KCTD16: variants seen among roughly 807,000 people sequenced by gnomAD.
KCTD16 encodes potassium channel tetramerization domain containing 16.
KCTD16 carries 13 observed loss-of-function variants against 33.2 expected under a neutral mutation model. The ratio of observed to expected loss-of-function variants is 0.39; its 90% CI spans 0.25 to 0.62. The LOEUF (loss-of-function observed/expected upper bound fraction) is 0.62. KCTD16 is among the 20% of genes least tolerant of loss of function. The probability of loss-of-function intolerance (pLI) is 0.50; values close to 1 mark genes in which losing one functional copy is unlikely to be tolerated. For missense variants in KCTD16, 441 were observed against 525.1 expected, an observed-to-expected ratio of 0.84 and a Z score of 1.57; for synonymous variants, 197 against 195.3, an observed-to-expected ratio of 1.01 and a Z score of -0.07.
Position 144,405,541 on chromosome 5 carries a change from T to G in KCTD16, c.833-68119T>G, listed in dbSNP as rs868322888. Among the ~76,000 whole-genome samples the G allele has an allele frequency of 2.5e-4, 38 of 152,298 alleles. 1 individual carries two copies. The highest frequency in any genetic ancestry group is 6.8e-3 in the Middle Eastern group (2 of 294). On this transcript the variant is annotated intron_variant, in intron 3 of 3. Coordinates refer to ENST00000512467, the MANE Select transcript of KCTD16 (RefSeq NM_020768.4). ...ATAAACCTTTATTGTGCTTGAAGAC[T>G]CTTCTTTAGACCCCTGTCTTAGTTT... is the stretch of plus-strand genomic sequence containing the variant.
intron 3 of KCTD16, among the ~76,000 whole-genome samples, chr5:144,224,391 T>TTG (rs1350445670): frequency 6.7e-6 from 1 of 148,598 alleles, no homozygotes; most frequent in Non-Finnish European, 1.5e-5. Flanking sequence ...GTGTTTTTTT[T>TTG]TTTTTTTTTT....
At chr5:144,390,257 C>A (rs373261372) in intron 3 of KCTD16, among the ~76,000 whole-genome samples, 1 of 152,148 alleles carries the variant, frequency 6.6e-6, no homozygotes, top group Admixed American at 6.6e-5. Flanking sequence ...TTCTACCTAA[C>A]GTGATTTTAA....
At chr5:144,182,472 CA>C (rs1367792967) in intron 2 of KCTD16, among the ~76,000 whole-genome samples, 2 of 152,024 alleles carry the variant, frequency 1.3e-5, no homozygotes, top group Non-Finnish European at 2.9e-5. Context: ...TACCATAGGC[CA>C]GGGGAAGAAG....
At chr5:144,179,530 G>T (rs1238833808) in intron 2 of KCTD16, among the ~76,000 whole-genome samples, 1 of 152,206 alleles carries the variant, frequency 6.6e-6, no homozygotes, top group Admixed American at 6.5e-5. Flanking sequence ...CATCTGTCCA[G>T]TGTTGAGTAT....
chr5:144,269,135 C>T (rs937333220), intron 3 of KCTD16, among the ~76,000 whole-genome samples: 1 of 151,650 alleles, frequency 6.6e-6, no homozygotes, highest in Non-Finnish European at 1.5e-5. Flanking sequence ...CATTGTGGGG[C>T]TCATAGAAGG....
rs531273299 is a variant in KCTD16 at position 144,211,426 on chromosome 5, T to G, written c.832+3880T>G. Among the ~76,000 whole-genome samples the G allele has an allele frequency of 2.0e-5, 3 of 152,284 alleles. No homozygotes were observed. The East Asian group carries it at 5.8e-4, about 29-fold the overall frequency. Reference sequence around the variant, plus strand: ...TCCAAAATGATTCAAAATCCAGGACTTCTTGAGCACCAGCATGATGCCACA... The same window carrying G: ...TCCAAAATGATTCAAAATCCAGGACGTCTTGAGCACCAGCATGATGCCACA... On this transcript the variant is annotated intron_variant, in intron 3 of 3. Transcript: ENST00000512467.
intron 3 of KCTD16, chr5:144,384,179 G>C (rs1351357715): frequency 6.6e-6 from 1 of 152,194 alleles, no homozygotes; most frequent in Admixed American, 6.5e-5. Flanking sequence ...ATGCAGATCA[G>C]GTAGCAAGTG....
chr5:144,392,565 A>G (rs1752474090), intron 3 of KCTD16, among the ~76,000 whole-genome samples: 1 of 152,184 alleles, frequency 6.6e-6, no homozygotes, highest in South Asian at 2.1e-4. Flanking sequence ...AGGTTATTGC[A>G]GTCATCCAGG....
At chr5:144,444,050 T>G (rs370008361) in intron 3 of KCTD16, among the ~76,000 whole-genome samples, 2 of 152,056 alleles carry the variant, frequency 1.3e-5, no homozygotes, top group Non-Finnish European at 2.9e-5. Context: ...GATTCCACTG[T>G]CTCCAAGGAG....
chr5:144,217,753 G>T (rs1054036138), intron 3 of KCTD16, among the ~76,000 whole-genome samples: 8 of 151,854 alleles, frequency 5.3e-5, no homozygotes, highest in African/African-American at 1.7e-4. Context: ...TCCACAATCT[G>T]CCAGGGAAGT....
intron 3 of KCTD16, among the ~76,000 whole-genome samples, chr5:144,290,290 C>A (rs1482128179): frequency 6.6e-6 from 1 of 151,894 alleles, no homozygotes; most frequent in Non-Finnish European, 1.5e-5. Flanking sequence ...AGAGCAAGAC[C>A]CTATCTCAAA....
At chr5:144,202,763 A>C (rs919336409) in intron 2 of KCTD16, among the ~76,000 whole-genome samples, 1 of 152,276 alleles carries the variant, frequency 6.6e-6, no homozygotes, top group African/African-American at 2.4e-5. Flanking sequence ...GGATATTTAC[A>C]GTGTTTATGA....
At chr5:144,387,166 C>A in intron 3 of KCTD16, among the ~76,000 whole-genome samples, 1 of 120,280 alleles carries the variant, frequency 8.3e-6, no homozygotes. Flanking sequence ...TTTTGAGAGA[C>A]AGAGTCTCAC....
Position 144,383,372 on chromosome 5 carries a change from T to A in KCTD16, c.833-90288T>A, listed in dbSNP as rs145682884. Reference sequence around the variant, plus strand: ...TGAGTTATTCACTCCCTGGCTCAGCTTTTTTGATTTGAAATATTCAGATCT... The same window carrying A: ...TGAGTTATTCACTCCCTGGCTCAGCATTTTTGATTTGAAATATTCAGATCT... On this transcript the variant is annotated intron_variant, in intron 3 of 3. Coordinates refer to ENST00000512467, the MANE Select transcript of KCTD16 (RefSeq NM_020768.4). Among the ~76,000 whole-genome samples the A allele has an allele frequency of 2.1e-3, 315 of 152,272 alleles. 2 individuals are homozygous for A. Among genetic ancestry groups the A allele is most frequent in the African/African-American group, 7.4e-3 (309 of 41,574 alleles).
chr5:144,254,124 C>A (rs1405634256), intron 3 of KCTD16, among the ~76,000 whole-genome samples: 1 of 148,058 alleles, frequency 6.8e-6, no homozygotes, highest in Admixed American at 6.7e-5. Context: ...AATGCATATT[C>A]TTTTTTTTTT....
At chr5:144,395,710 C>A (rs894125505) in intron 3 of KCTD16, among the ~76,000 whole-genome samples, 1 of 152,178 alleles carries the variant, frequency 6.6e-6, no homozygotes, top group African/African-American at 2.4e-5. Context: ...AGAATTCAAG[C>A]AGTTCCAGGC....
intron 3 of KCTD16, among the ~76,000 whole-genome samples, chr5:144,445,388 G>A (rs1273185114): frequency 1.3e-5 from 2 of 151,952 alleles, no homozygotes; most frequent in Non-Finnish European, 2.9e-5. Flanking sequence ...ACTGCAATTC[G>A]AATCTCCTTT....
At chr5:144,209,751 A>G (rs1162297807) in intron 3 of KCTD16, among the ~76,000 whole-genome samples, 1 of 150,236 alleles carries the variant, frequency 6.7e-6, no homozygotes, top group Admixed American at 6.7e-5. Context: ...GATGCTTTTC[A>G]CAAAGGAACT....
intron 3 of KCTD16, among the ~76,000 whole-genome samples, chr5:144,234,833 TCA>T (rs1754205097): frequency 6.6e-6 from 1 of 152,050 alleles, no homozygotes; most frequent in African/African-American, 2.4e-5. Flanking sequence ...TGTGTGTGTA[TCA>T]CAGTCCTGCC....
Sources: allele counts gnomAD v4.1 joint callset (sites outside exome capture counted in the v4.1 genomes callset), GRCh38; gene constraint gnomAD v4.1.1; transcripts MANE v1.5; gene names NCBI Gene and HGNC (gene_info 2026-07-23, HGNC 2026-07-21).